AGBL4: variants seen among roughly 807,000 people sequenced by gnomAD.
The protein encoded by AGBL4 is cytosolic carboxypeptidase 6.
A neutral mutation model predicts 66.4 loss-of-function variants in AGBL4; 58 were observed. That is an observed-to-expected ratio of 0.87 (90% confidence interval 0.71 to 1.09). The LOEUF (loss-of-function observed/expected upper bound fraction) is 1.09. AGBL4 is among the 50% of genes least tolerant of loss of function. The pLI, the probability that AGBL4 is intolerant of heterozygous loss-of-function variation, is 0.00. For missense variants in AGBL4, 579 were observed against 631.0 expected (o/e 0.92, Z 0.88); for synonymous variants, 234 against 222.9 (o/e 1.05, Z -0.44).
intron 3 of AGBL4, among the ~76,000 whole-genome samples, chr1:49,320,991 TG>T (rs1272318403): frequency 1.3e-5 from 2 of 152,034 alleles, no homozygotes; most frequent in Non-Finnish European, 2.9e-5. Context: ...GATAACAGCA[TG>T]GGGGAAACAG....
intron 3 of AGBL4, among the ~76,000 whole-genome samples, chr1:49,434,650 T>G (rs1175204040): frequency 6.6e-6 from 1 of 151,676 alleles, no homozygotes; most frequent in African/African-American, 2.4e-5. Flanking sequence ...AATTGCTATC[T>G]GTTCTTGTGG....
intron 2 of AGBL4, among the ~76,000 whole-genome samples, chr1:49,739,287 C>T (rs1225013196): frequency 6.6e-6 from 1 of 152,008 alleles, no homozygotes; most frequent in Non-Finnish European, 1.5e-5. Flanking sequence ...ATTCGATCAA[C>T]TGGAAGAAAT....
Position 49,250,484 on chromosome 1 carries a change from G to A in AGBL4, c.283-4620C>T, listed in dbSNP as rs556362377. ...TTTTGAGACAGAATCTCATTCTGTC[G>A]CCAGGCTGGAGAGCAGTGGCTTGAT... On this transcript the variant is annotated intron_variant, in intron 3 of 13. Coordinates refer to ENST00000371839, the MANE Select transcript of AGBL4 (RefSeq NM_032785.4). Among the ~76,000 whole-genome samples, 13 of 136,418 alleles carry A rather than the reference G, an allele frequency of 9.5e-5. No individual in the cohort carries two copies. The South Asian group carries it at 1.4e-3, about 14-fold the overall frequency. 89.5% of individuals were successfully genotyped at this position (136,418 alleles called of 152,430 possible).
At chr1:49,185,717 G>C (rs1422537269) in intron 4 of AGBL4, among the ~76,000 whole-genome samples, 5 of 152,004 alleles carry the variant, frequency 3.3e-5, no homozygotes, top group African/African-American at 7.2e-5. Context: ...CCCAGTTTAG[G>C]GACTCATTTT....
chr1:48,719,971 G>A (rs990860790), intron 6 of AGBL4, among the ~76,000 whole-genome samples: 102 of 152,188 alleles, frequency 6.7e-4, no homozygotes, highest in African/African-American at 2.4e-3. Flanking sequence ...TTCAACCCAT[G>A]AGAACAAGAG....
At chr1:49,983,489 G>T (rs989994677) in intron 1 of AGBL4, among the ~76,000 whole-genome samples, 1 of 152,218 alleles carries the variant, frequency 6.6e-6, no homozygotes, top group African/African-American at 2.4e-5. Context: ...CCTTTGGCAG[G>T]CATGGGATCC....
rs754524048 is a variant in AGBL4 at position 49,729,762 on chromosome 1, G to A, written c.158-32325C>T. On this transcript the variant is annotated intron_variant, in intron 2 of 13. Coordinates refer to ENST00000371839, the MANE Select transcript of AGBL4 (RefSeq NM_032785.4). ...TATAATCAAGAGATTATAAAGATCCGAATTAATAAGTCTGTGGTAGTAGGA... is the reference window on the plus strand; with the variant it reads ...TATAATCAAGAGATTATAAAGATCCAAATTAATAAGTCTGTGGTAGTAGGA... Among the ~76,000 whole-genome samples, 9 of 152,042 alleles carry A rather than the reference G, an allele frequency of 5.9e-5. No individual in the cohort carries two copies. In the East Asian group the frequency reaches 9.7e-4, roughly 16 times the overall value.
chr1:50,014,536 CTTTTTT>C (rs886696766), intron 1 of AGBL4, among the ~76,000 whole-genome samples: 1 of 109,026 alleles, frequency 9.2e-6, no homozygotes, highest in Non-Finnish European at 1.9e-5. Flanking sequence ...CAGAGGATTT[CTTTTTT>C]TTTTTTTTTT....
At chr1:48,817,884 C>G (rs1433872302) in intron 6 of AGBL4, 32 of 612,106 alleles carry the variant, frequency 5.2e-5, no homozygotes, top group East Asian at 4.6e-4. Flanking sequence ...TGCAGATGCA[C>G]CTGGGAGATG....
chr1:49,859,482 A>G (rs1042638047), intron 1 of AGBL4, among the ~76,000 whole-genome samples: 1 of 152,200 alleles, frequency 6.6e-6, no homozygotes, highest in African/African-American at 2.4e-5. Context: ...AAGAAAATCT[A>G]TATGATCATC....
At chr1:48,816,017 G>A (rs1311914454) in intron 6 of AGBL4, among the ~76,000 whole-genome samples, 1 of 151,496 alleles carries the variant, frequency 6.6e-6, no homozygotes, top group Non-Finnish European at 1.5e-5. Context: ...AACATGGGCA[G>A]ATTTTGGCCA....
chr1:49,833,741 T>C (rs373202664), intron 2 of AGBL4, among the ~76,000 whole-genome samples: 3,256 of 152,284 alleles, frequency 0.021, 127 homozygotes, highest in African/African-American at 0.074. Context: ...AGGTATTTTA[T>C]TCTCTTTGAA....
At chr1:49,006,705 G>A (rs1661859870) in intron 5 of AGBL4, among the ~76,000 whole-genome samples, 1 of 151,022 alleles carries the variant, frequency 6.6e-6, no homozygotes, top group African/African-American at 2.4e-5. Context: ...GCCTCCTCAA[G>A]TGGGTCCCTG....
intron 3 of AGBL4, among the ~76,000 whole-genome samples, chr1:49,549,291 G>C (rs1298167488): frequency 2.0e-5 from 3 of 149,278 alleles, no homozygotes; most frequent in Non-Finnish European, 4.5e-5. Flanking sequence ...GTTCTGCCCT[G>C]ATCTTGGTTA....
intron 2 of AGBL4, among the ~76,000 whole-genome samples, chr1:49,814,318 T>C (rs533605338): frequency 2.0e-5 from 3 of 152,226 alleles, no homozygotes; most frequent in African/African-American, 7.2e-5. Flanking sequence ...AGTGAGAACA[T>C]GAGTAGCGTA....
chr1:48,676,684 G>A (rs1646370362), intron 6 of AGBL4, among the ~76,000 whole-genome samples: 1 of 152,192 alleles, frequency 6.6e-6, no homozygotes, highest in Non-Finnish European at 1.5e-5. Context: ...TGCAGAAACA[G>A]GCTCCTGTGG....
intron 3 of AGBL4, among the ~76,000 whole-genome samples, chr1:49,681,423 C>T (rs973031272): frequency 6.6e-6 from 1 of 152,056 alleles, no homozygotes; most frequent in South Asian, 2.1e-4. Flanking sequence ...CCAGATTCTC[C>T]ACTTGCCTTA....
intron 4 of AGBL4, among the ~76,000 whole-genome samples, chr1:49,189,747 G>C (rs566449505): frequency 6.6e-6 from 1 of 152,258 alleles, no homozygotes; most frequent in South Asian, 2.1e-4. Flanking sequence ...TGCTTTGCTT[G>C]CTGAGAACTT....
intron 6 of AGBL4, among the ~76,000 whole-genome samples, chr1:48,849,015 A>G (rs777069487): frequency 7.2e-5 from 11 of 152,208 alleles, no homozygotes; most frequent in Non-Finnish European, 1.2e-4. Flanking sequence ...AACACCACTT[A>G]GGCTCCAGGT....
Sources: allele counts gnomAD v4.1 joint callset (sites outside exome capture counted in the v4.1 genomes callset), GRCh38; gene constraint gnomAD v4.1.1; transcripts MANE v1.5; gene names NCBI Gene and HGNC (gene_info 2026-07-23, HGNC 2026-07-21).